The following MAGI1 variants were observed in gnomAD, a reference collection of about 807,000 sequenced individuals.
MAGI1 encodes membrane associated guanylate kinase, WW and PDZ domain containing 1.
A neutral mutation model predicts 139.9 loss-of-function variants in MAGI1; 58 were observed. The observed-to-expected ratio is 0.41, with a 90% CI of 0.34 to 0.52. The LOEUF is 0.52. Ranked by LOEUF, MAGI1 falls within the 20% of genes least tolerant of loss-of-function variation. MAGI1 has a pLI of 0.12. For synonymous variants in MAGI1, 812 were observed against 737.9 expected, an observed-to-expected ratio of 1.10 and a Z score of -1.63; for missense variants, 1,874 against 1,901.6, an observed-to-expected ratio of 0.99 and a Z score of 0.27.
intron 1 of MAGI1, among the ~76,000 whole-genome samples, chr3:65,965,288 G>T (rs1391548946): frequency 2.0e-5 from 3 of 152,028 alleles, no homozygotes; most frequent in Admixed American, 6.6e-5. Flanking sequence ...GCCACATATG[G>T]GTACCACTTC....
chr3:65,516,020 G>C (rs2077857179), intron 2 of MAGI1, among the ~76,000 whole-genome samples: 1 of 152,154 alleles, frequency 6.6e-6, no homozygotes, highest in African/African-American at 2.4e-5. Flanking sequence ...TCTTGCCCTA[G>C]TTTTCAAGCT....
rs536384039 is a variant in MAGI1 at position 65,665,131 on chromosome 3, G to A, written c.314-43043C>T. Reference sequence around the variant, plus strand: ...CAATCTAAAGCAAGTGTTCACCCTTGACTCCCTGTCACACTCAGCAAATTT... The same window carrying A: ...CAATCTAAAGCAAGTGTTCACCCTTAACTCCCTGTCACACTCAGCAAATTT... On this transcript the variant is annotated intron_variant, in intron 1 of 22. Transcript: ENST00000402939. Among the ~76,000 whole-genome samples, 5 of 152,246 alleles carry A rather than the reference G, an allele frequency of 3.3e-5. No individual in the cohort carries two copies. In the South Asian group the frequency reaches 8.3e-4, roughly 25 times the overall value.
At chr3:66,008,747 C>A (rs2067164566) in intron 1 of MAGI1, 1 of 152,156 alleles carries the variant, frequency 6.6e-6, no homozygotes, top group African/African-American at 2.4e-5. Context: ...AAGGCTTGTG[C>A]AAAGACCCCA....
intron 1 of MAGI1, among the ~76,000 whole-genome samples, chr3:65,933,011 C>G (rs999732483): frequency 7.9e-5 from 12 of 152,206 alleles, no homozygotes; most frequent in Admixed American, 7.9e-4. Context: ...TAGGCAGCAC[C>G]TAAGACCAAA....
chr3:65,783,219 C>G (rs1046160879), intron 1 of MAGI1, among the ~76,000 whole-genome samples: 1 of 151,878 alleles, frequency 6.6e-6, no homozygotes, highest in Non-Finnish European at 1.5e-5. Flanking sequence ...AATATTTTAA[C>G]AGATATTTCT....
At chr3:65,670,114 G>A (rs1049469221) in intron 1 of MAGI1, among the ~76,000 whole-genome samples, 1 of 152,100 alleles carries the variant, frequency 6.6e-6, no homozygotes, top group African/African-American at 2.4e-5. Context: ...CATGTTGCTC[G>A]ATTAGAAGTT....
intron 1 of MAGI1, among the ~76,000 whole-genome samples, chr3:65,690,621 C>CGG (rs2088508801): frequency 7.6e-6 from 1 of 132,150 alleles, no homozygotes; most frequent in South Asian, 2.8e-4. Flanking sequence ...CCACCATGCC[C>CGG]GGCTCATTTG....
chr3:65,354,281 T>C lies in MAGI1; in HGVS notation c.*2097A>G, dbSNP rs1940107287. The C allele has an allele frequency of 6.6e-6, 1 of 152,626 alleles. No homozygotes were observed. Among genetic ancestry groups the C allele is most frequent in the Non-Finnish European group, 1.5e-5 (1 of 68,036 alleles). 9.5% of individuals were successfully genotyped at this position (152,626 alleles called of 1,614,324 possible). On this transcript the variant is annotated 3_prime_UTR_variant, in exon 23 of 23. Coordinates refer to ENST00000402939, the MANE Select transcript of MAGI1 (RefSeq NM_001033057.2). ...GAAAACTTTAATAATAAAAATAGCA[T>C]TCACAGACTTTTCCCTCCTTTTTAG...
At chr3:65,503,578 T>C (rs538900037) in intron 2 of MAGI1, among the ~76,000 whole-genome samples, 6 of 152,136 alleles carry the variant, frequency 3.9e-5, no homozygotes, top group Non-Finnish European at 8.8e-5. Flanking sequence ...ACAATTATTT[T>C]ATTCCAGCTA....
intron 18 of MAGI1, 155 bp from the exon 19 acceptor site, chr3:65,365,101 T>C (rs778603104): frequency 1.3e-6 from 1 of 778,182 alleles, no homozygotes; most frequent in Non-Finnish European, 2.4e-6. Flanking sequence ...ATTAGGAGTT[T>C]AATAAACCAT....
chr3:66,035,792 A>G (rs2068884574), intron 1 of MAGI1, among the ~76,000 whole-genome samples: 1 of 152,184 alleles, frequency 6.6e-6, no homozygotes, highest in Non-Finnish European at 1.5e-5. Context: ...ACACCTGGAG[A>G]CACTACAGTT....
At position 65,379,018 on chromosome 3, in the gene MAGI1, A is replaced by T. The variant is rs1326876111; in HGVS notation, c.2995+243T>A. ...TTCACGCAAATCTGATGTATGCTTT[A>T]AGTTGTGTATGCGTGATCACATTCT... On this transcript the variant is annotated intron_variant, in intron 17 of 22. Coordinates refer to ENST00000402939, the MANE Select transcript of MAGI1 (RefSeq NM_001033057.2). 4.6e-5 allele frequency among the ~76,000 whole-genome samples: 7 copies of T among 152,292 alleles called. No homozygotes were observed. The South Asian group carries it at 1.5e-3, about 32-fold the overall frequency.
At chr3:65,814,976 T>G (rs564310540) in intron 1 of MAGI1, among the ~76,000 whole-genome samples, 22 of 152,248 alleles carry the variant, frequency 1.4e-4, no homozygotes, top group Admixed American at 4.6e-4. Flanking sequence ...TTAACTGCAT[T>G]TTAGTTTTGA....
chr3:65,464,840 G>C (rs925108016), intron 5 of MAGI1, among the ~76,000 whole-genome samples: 1 of 101,800 alleles, frequency 9.8e-6, no homozygotes, highest in African/African-American at 2.9e-5. Flanking sequence ...TCTTTCCTCT[G>C]TTTTATTTTT....
intron 1 of MAGI1, among the ~76,000 whole-genome samples, chr3:65,676,880 C>A (rs573733026): frequency 1.3e-5 from 2 of 152,122 alleles, no homozygotes; most frequent in Non-Finnish European, 2.9e-5. Context: ...ACGACATATC[C>A]CAGTTTGCTC....
chr3:65,784,332 A>G (rs2039202016), intron 1 of MAGI1, among the ~76,000 whole-genome samples: 1 of 152,226 alleles, frequency 6.6e-6, no homozygotes, highest in South Asian at 2.1e-4. Flanking sequence ...TCCACACAGA[A>G]ACTAGTACGT....
At chr3:65,814,086 A>G (rs2041449736) in intron 1 of MAGI1, among the ~76,000 whole-genome samples, 1 of 152,088 alleles carries the variant, frequency 6.6e-6, no homozygotes, top group Non-Finnish European at 1.5e-5. Context: ...AAAAATATAC[A>G]CAAACTAAAA....
At chr3:65,548,870 G>C (rs920984332) in intron 2 of MAGI1, among the ~76,000 whole-genome samples, 1 of 152,168 alleles carries the variant, frequency 6.6e-6, no homozygotes, top group Non-Finnish European at 1.5e-5. Flanking sequence ...GAGGGGTGGG[G>C]TGAGCCAACA....
intron 1 of MAGI1, among the ~76,000 whole-genome samples, chr3:65,868,742 C>T (rs1312044704): frequency 6.6e-6 from 1 of 152,124 alleles, no homozygotes; most frequent in African/African-American, 2.4e-5. Context: ...CCTACATGAC[C>T]CAGCTCAGCA....
Sources: gnomAD v4.1 joint callset for allele counts (sites outside exome capture counted in the v4.1 genomes callset) on GRCh38, gnomAD v4.1.1 for gene constraint, MANE v1.5 for transcripts, NCBI Gene and HGNC (gene_info 2026-07-23, HGNC 2026-07-21) for gene names.